The following GOLGA4 variants were observed in gnomAD, a reference collection of about 807,000 sequenced individuals.
GOLGA4 encodes the protein golgin subfamily A member 4.
A neutral mutation model predicts 265.9 loss-of-function variants in GOLGA4; 169 were observed. The observed-to-expected ratio is 0.64, with a 90% CI of 0.56 to 0.72. The LOEUF is 0.72. Ranked by LOEUF, GOLGA4 falls within the 30% of genes least tolerant of loss-of-function variation. GOLGA4 has a pLI of 0.00. For synonymous variants in GOLGA4, 923 were observed against 855.8 expected, an observed-to-expected ratio of 1.08 and a Z score of -1.37; for missense variants, 2,482 against 2,483.4, an observed-to-expected ratio of 1.00 and a Z score of 0.01.
Position 37,296,193 on chromosome 3 carries a change from A to G in GOLGA4, c.788A>G (p.Asn263Ser), listed in dbSNP as rs1209430960. Residue 263 changes from asparagine (N) to serine (S), a missense_variant, in exon 7 of 24, where the codon AAT becomes AGT. Physicochemically the swap from Asn to Ser is conservative, Grantham distance 46. Transcript: ENST00000361924. ...PQAEVFTKEE[N>S]PESDGEPVVE... ...GCTGAAGTCTTCACTAAAGAAGAGA[A>G]TCCAGAAAGTGATGGAGAGCCAGTA... The G allele has an allele frequency of 6.2e-7, 1 of 1,614,120 alleles. No individual in the cohort carries two copies. The highest frequency in any genetic ancestry group is 2.2e-5 in the East Asian group (1 of 44,890).
chr3:37,285,314 G>A (rs898121560), intron 3 of GOLGA4, among the ~76,000 whole-genome samples: 3 of 152,064 alleles, frequency 2.0e-5, no homozygotes, highest in Admixed American at 1.3e-4. Flanking sequence ...GATGAGTAAT[G>A]TTATGTAACT....
intron 2 of GOLGA4, among the ~76,000 whole-genome samples, chr3:37,274,221 A>AG (rs1386134572): frequency 1.3e-5 from 2 of 152,012 alleles, no homozygotes; most frequent in Non-Finnish European, 2.9e-5. Flanking sequence ...AGACATACTG[A>AG]GTTATATAAG....
At chr3:37,276,692 A>C in intron 2 of GOLGA4, 1 of 1,192,636 alleles carries the variant, frequency 8.4e-7, no homozygotes, top group African/African-American at 1.5e-5. Context: ...CCTGCAAATC[A>C]AATTTTTAAA....
Position 37,353,011 on chromosome 3 carries a change from T to C in GOLGA4, c.6577-2090T>C, listed in dbSNP as rs150763094. Reference sequence around the variant, plus strand: ...TTACAGACCATTGTAGGGTTATTAATTGGCCTAATTTCAACATTACTGTGA... The same window carrying C: ...TTACAGACCATTGTAGGGTTATTAACTGGCCTAATTTCAACATTACTGTGA... On this transcript the variant is annotated intron_variant, in intron 21 of 23. Transcript: ENST00000361924. Among the ~76,000 whole-genome samples the C allele has an allele frequency of 4.6e-5, 7 of 152,178 alleles. No individual in the cohort carries two copies. The East Asian group carries it at 1.4e-3, about 29-fold the overall frequency.
chr3:37,364,592 CTTTT>C (rs554906288), intron 23 of GOLGA4, among the ~76,000 whole-genome samples: 12 of 128,352 alleles, frequency 9.3e-5, no homozygotes, highest in Admixed American at 2.4e-4. Context: ...TATGTCATAG[CTTTT>C]TTTTTTTTTT....
chr3:37,358,436 A>G (rs1173320426), intron 22 of GOLGA4, among the ~76,000 whole-genome samples: 3 of 152,178 alleles, frequency 2.0e-5, no homozygotes, highest in Admixed American at 6.5e-5. Context: ...AGAAATCACT[A>G]TCTGTTAAGT....
In GOLGA4 at chr3:37,326,338, G is replaced by T. The variant is rs898840190; in HGVS notation, c.4452G>T (p.Leu1484Phe). ...AAAAGGATGAGCAGATAAATTTATTGAAGGAAGAGCTTGATCAGCAAAATA... is the reference window on the plus strand; with the variant it reads ...AAAAGGATGAGCAGATAAATTTATTTAAGGAAGAGCTTGATCAGCAAAATA... Reference protein sequence around the residue: ...AYEKDEQINLLKEELDQQNKR... With the variant: ...AYEKDEQINLFKEELDQQNKR... The change falls in exon 14 of 24, where the codon TTG (leucine) becomes TTT (phenylalanine). Residue 1484 changes from leucine (L) to phenylalanine (F), a missense_variant. Leu to Phe is a conservative substitution (Grantham distance 22). Transcript: ENST00000361924. The T allele has an allele frequency of 6.2e-7, 1 of 1,612,266 alleles. No homozygotes were observed. Among genetic ancestry groups the T allele is most frequent in the African/African-American group, 1.3e-5 (1 of 74,862 alleles).
intron 5 of GOLGA4, among the ~76,000 whole-genome samples, chr3:37,290,461 G>A (rs1293380658): frequency 6.6e-6 from 1 of 152,074 alleles, no homozygotes; most frequent in African/African-American, 2.4e-5. Flanking sequence ...ATGAAAGAAA[G>A]ATTATATCAT....
intron 4 of GOLGA4, among the ~76,000 whole-genome samples, chr3:37,288,165 G>A (rs2096854878): frequency 1.4e-5 from 2 of 144,030 alleles, no homozygotes; most frequent in Non-Finnish European, 3.0e-5. Flanking sequence ...GCAGTGGTGC[G>A]ATCTTGGCTC....
At chr3:37,335,609 A>G (rs916974790) in intron 17 of GOLGA4, among the ~76,000 whole-genome samples, 1 of 152,214 alleles carries the variant, frequency 6.6e-6, no homozygotes, top group Non-Finnish European at 1.5e-5. Flanking sequence ...GTAGTCACAT[A>G]AAAGTGGTGT....
chr3:37,357,544 CG>C (rs2097093890), intron 22 of GOLGA4, among the ~76,000 whole-genome samples: 1 of 152,056 alleles, frequency 6.6e-6, no homozygotes, highest in Non-Finnish European at 1.5e-5. Flanking sequence ...CCCCAAAATA[CG>C]ATATGAGATG....
At chr3:37,304,197 C>T (rs1052936028) in intron 10 of GOLGA4, among the ~76,000 whole-genome samples, 5 of 152,058 alleles carry the variant, frequency 3.3e-5, no homozygotes, top group African/African-American at 1.2e-4. Context: ...TGAAAAGGTC[C>T]TTGAATTTGG....
chr3:37,354,249 A>G (rs2151066632), intron 21 of GOLGA4, among the ~76,000 whole-genome samples: 1 of 152,176 alleles, frequency 6.6e-6, no homozygotes, highest in African/African-American at 2.4e-5. Context: ...ACTATGATCA[A>G]GGAATGTTAG....
chr3:37,326,732 A>G lies in GOLGA4; in HGVS notation c.4846A>G (p.Lys1616Glu). Residue 1616 changes from lysine to glutamate, a missense_variant, in exon 14 of 24, where the codon AAA becomes GAA. Physicochemically the swap from Lys to Glu is moderately conservative, Grantham distance 56. Coordinates refer to ENST00000361924, the MANE Select transcript of GOLGA4 (RefSeq NM_002078.5). ...KELEHVNLSV[K>E]SKEEELKALE... ...ATTAGAACATGTGAATTTAAGTGTG[A>G]AAAGCAAAGAGGAGGAGTTAAAGGC... The G allele has an allele frequency of 6.2e-7, 1 of 1,613,646 alleles. No homozygotes were observed. The highest frequency in any genetic ancestry group is 8.5e-7 in the Non-Finnish European group (1 of 1,179,696).
intron 2 of GOLGA4, chr3:37,276,616 A>C (rs2096819927): frequency 1.9e-6 from 3 of 1,553,790 alleles, no homozygotes; most frequent in Middle Eastern, 2.3e-4. Flanking sequence ...GAATTGGCAA[A>C]ATATCTGGAC....
chr3:37,284,371 A>G (rs987439906), intron 3 of GOLGA4, among the ~76,000 whole-genome samples: 2 of 152,024 alleles, frequency 1.3e-5, no homozygotes, highest in African/African-American at 2.4e-5. Context: ...TCCTGGGCCA[A>G]GCAGTTCTCC....
chr3:37,306,330 A>G (rs950775276), intron 10 of GOLGA4, among the ~76,000 whole-genome samples: 1 of 152,214 alleles, frequency 6.6e-6, no homozygotes, highest in Non-Finnish European at 1.5e-5. Context: ...TTGTTACTTA[A>G]GAACAGATGG....
At chr3:37,338,614 AT>A (rs1395285505) in intron 19 of GOLGA4, among the ~76,000 whole-genome samples, 5 of 152,146 alleles carry the variant, frequency 3.3e-5, no homozygotes, top group Non-Finnish European at 7.4e-5. Flanking sequence ...CATTTTAATC[AT>A]TTTAGAGTAC....
At chr3:37,267,344 G>A (rs764465934) in intron 2 of GOLGA4, among the ~76,000 whole-genome samples, 5 of 152,188 alleles carry the variant, frequency 3.3e-5, no homozygotes, top group Non-Finnish European at 4.4e-5. Flanking sequence ...GGAAAAATTC[G>A]TTGTTATGTA....
Sources: allele counts gnomAD v4.1 joint callset (sites outside exome capture counted in the v4.1 genomes callset), GRCh38; gene constraint gnomAD v4.1.1; transcripts MANE v1.5; gene names NCBI Gene and HGNC (gene_info 2026-07-23, HGNC 2026-07-21).